NALF1: variants seen among roughly 807,000 people sequenced by gnomAD.
The protein encoded by NALF1 is family with sequence similarity 155 member A.
A neutral mutation model predicts 48.4 loss-of-function variants in NALF1; 3 were observed. The observed-to-expected ratio is 0.06, with a 90% CI of 0.03 to 0.16. The LOEUF (loss-of-function observed/expected upper bound fraction) is 0.16. NALF1 is among the 10% of genes least tolerant of loss of function. The probability of loss-of-function intolerance (pLI) is 1.00; values close to 1 mark genes in which losing one functional copy is unlikely to be tolerated. For missense variants in NALF1, 526 were observed against 571.5 expected (o/e 0.92, Z 0.81); for synonymous variants, 262 against 245.7 (o/e 1.07, Z -0.62).
In NALF1 at chr13:107,559,770, C is replaced by G. The variant is rs186503465; in HGVS notation, c.915+305912G>C. Among the ~76,000 whole-genome samples, 19 of 152,240 alleles carry G rather than the reference C, an allele frequency of 1.2e-4. 1 individual carries two copies. Among genetic ancestry groups the G allele is most frequent in the Admixed American group, 1.0e-3 (16 of 15,288 alleles). ...ACACTCACACACACTCATTCCCAGT[C>G]CGAGTTTAAAAGTCCATTATTCTTT... On this transcript the variant is annotated intron_variant, in intron 1 of 2. Coordinates refer to ENST00000375915, the MANE Select transcript of NALF1 (RefSeq NM_001080396.3).
At chr13:107,497,979 C>T (rs986506805) in intron 1 of NALF1, among the ~76,000 whole-genome samples, 1 of 152,042 alleles carries the variant, frequency 6.6e-6, no homozygotes, top group Non-Finnish European at 1.5e-5. Flanking sequence ...GAATATGAAA[C>T]ATAACAATAT....
At chr13:107,230,217 G>C (rs1472971884) in intron 1 of NALF1, among the ~76,000 whole-genome samples, 1 of 151,686 alleles carries the variant, frequency 6.6e-6, no homozygotes, top group African/African-American at 2.4e-5. Context: ...AACCATTTTT[G>C]GTCCATAAAA....
At chr13:107,174,299 C>T (rs1162218846) in intron 2 of NALF1, among the ~76,000 whole-genome samples, 3 of 151,960 alleles carry the variant, frequency 2.0e-5, no homozygotes, top group Non-Finnish European at 4.4e-5. Context: ...GTGAGCTGCA[C>T]GTGAGATGAC....
chr13:107,616,620 T>G (rs1566416647), intron 1 of NALF1, among the ~76,000 whole-genome samples: 2 of 152,194 alleles, frequency 1.3e-5, no homozygotes, highest in Non-Finnish European at 2.9e-5. Flanking sequence ...TCTTCCTTCT[T>G]TTAGTCCAAA....
intron 1 of NALF1, among the ~76,000 whole-genome samples, chr13:107,268,071 C>A (rs896437522): frequency 5.3e-5 from 8 of 150,534 alleles, no homozygotes; most frequent in African/African-American, 2.0e-4. Context: ...ACTGCAACCT[C>A]CGCTTCCCAG....
intron 1 of NALF1, among the ~76,000 whole-genome samples, chr13:107,433,527 C>T (rs1413246944): frequency 6.6e-6 from 1 of 151,970 alleles, no homozygotes; most frequent in Non-Finnish European, 1.5e-5. Flanking sequence ...CAGTTTAAAA[C>T]TTCTAACCTG....
chr13:107,581,917 A>C (rs1974022), intron 1 of NALF1, among the ~76,000 whole-genome samples: 80,307 of 151,954 alleles, frequency 0.53, 21,921 homozygotes, highest in African/African-American at 0.63. Flanking sequence ...GTTCCTCGCA[A>C]TTTCAGCCTA....
At chr13:107,306,297 A>G (rs901302129) in intron 1 of NALF1, among the ~76,000 whole-genome samples, 2 of 152,184 alleles carry the variant, frequency 1.3e-5, no homozygotes, top group East Asian at 1.9e-4. Flanking sequence ...ATCAAATCAC[A>G]AAGATGTTCC....
intron 1 of NALF1, among the ~76,000 whole-genome samples, chr13:107,527,037 T>C (rs1876470263): frequency 6.6e-6 from 1 of 152,198 alleles, no homozygotes; most frequent in Non-Finnish European, 1.5e-5. Flanking sequence ...ATGATTCATA[T>C]AAGCCCCAAT....
At chr13:107,241,495 A>G (rs1318049710) in intron 1 of NALF1, among the ~76,000 whole-genome samples, 1 of 152,224 alleles carries the variant, frequency 6.6e-6, no homozygotes, top group Non-Finnish European at 1.5e-5. Flanking sequence ...CTCCTGGCTC[A>G]GTAGCCCATT....
chr13:107,511,471 A>G (rs1875890196), intron 1 of NALF1, among the ~76,000 whole-genome samples: 1 of 152,218 alleles, frequency 6.6e-6, no homozygotes, highest in Non-Finnish European at 1.5e-5. Context: ...AATAATGCAC[A>G]ATGTTACAAT....
chr13:107,519,215 A>C (rs755915004), intron 1 of NALF1, among the ~76,000 whole-genome samples: 5 of 152,176 alleles, frequency 3.3e-5, no homozygotes, highest in African/African-American at 4.8e-5. Context: ...CAATATTCAA[A>C]ATTCTCAAAG....
chr13:107,186,914 G>A (rs1879186715), intron 2 of NALF1, among the ~76,000 whole-genome samples: 1 of 152,150 alleles, frequency 6.6e-6, no homozygotes, highest in African/African-American at 2.4e-5. Flanking sequence ...GAAATCAGCA[G>A]GATTTAATTC....
At chr13:107,616,594 A>T (rs1037956890) in intron 1 of NALF1, among the ~76,000 whole-genome samples, 1 of 152,252 alleles carries the variant, frequency 6.6e-6, no homozygotes, top group Non-Finnish European at 1.5e-5. Flanking sequence ...TTGAATTCAG[A>T]TAACAAGATC....
chr13:107,614,487 A>C (rs551716665), intron 1 of NALF1, among the ~76,000 whole-genome samples: 1 of 152,340 alleles, frequency 6.6e-6, no homozygotes, highest in South Asian at 2.1e-4. Flanking sequence ...CCACATCTAT[A>C]AAATGAGAAT....
At chr13:107,756,166 A>G (rs1418908321) in intron 1 of NALF1, among the ~76,000 whole-genome samples, 1 of 152,194 alleles carries the variant, frequency 6.6e-6, no homozygotes, top group African/African-American at 2.4e-5. Context: ...AAAATACTAA[A>G]TTATTATTTC....
At chr13:107,277,604 C>T (rs1881306353) in intron 1 of NALF1, among the ~76,000 whole-genome samples, 1 of 152,136 alleles carries the variant, frequency 6.6e-6, no homozygotes, top group Non-Finnish European at 1.5e-5. Context: ...GTCACTCATT[C>T]TACTAATGAA....
At chr13:107,354,769 G>T (rs911002292) in intron 1 of NALF1, among the ~76,000 whole-genome samples, 2 of 152,126 alleles carry the variant, frequency 1.3e-5, no homozygotes, top group African/African-American at 4.8e-5. Context: ...TGGTTCCTCA[G>T]TAAAGTCCCT....
intron 1 of NALF1, among the ~76,000 whole-genome samples, chr13:107,655,255 G>C (rs929749147): frequency 1.3e-5 from 2 of 151,970 alleles, no homozygotes; most frequent in Non-Finnish European, 2.9e-5. Flanking sequence ...AAACCCTAAA[G>C]ACTCATCCAA....
Sources: allele counts gnomAD v4.1 joint callset (sites outside exome capture counted in the v4.1 genomes callset), GRCh38; gene constraint gnomAD v4.1.1; transcripts MANE v1.5; gene names NCBI Gene and HGNC (gene_info 2026-07-23, HGNC 2026-07-21).